CLK1: variants seen among roughly 807,000 people sequenced by gnomAD.
The protein encoded by CLK1 is dual specificity protein kinase CLK1.
CLK1 carries 40 observed loss-of-function variants against 60.9 expected under a neutral mutation model. The observed-to-expected ratio is 0.66, with a 90% confidence interval of 0.51 to 0.86. CLK1 has a LOEUF of 0.86. Among genes scored for constraint, CLK1 ranks in the 40% least tolerant of loss-of-function variants. The pLI, the probability that CLK1 is intolerant of heterozygous loss-of-function variation, is 0.00. For synonymous variants in CLK1, 203 were observed against 184.4 expected, an observed-to-expected ratio of 1.10 and a Z score of -0.82; for missense variants, 563 against 606.1, an observed-to-expected ratio of 0.93 and a Z score of 0.75.
intron 10 of CLK1, 98 bp downstream of exon 10, chr2:200,854,906 A>G: frequency 1.1e-6 from 1 of 908,628 alleles, no homozygotes. Context: ...GCTTATCTAC[A>G]ATTAATAGTC....
At chr2:200,861,502 T>A in intron 2 of CLK1, 36 bp from the exon 3 acceptor site, 1 of 1,603,966 alleles carries the variant, frequency 6.2e-7, no homozygotes, top group Non-Finnish European at 8.5e-7. Flanking sequence ...TGTTTTATGC[T>A]AAGACCAAAT....
intron 10 of CLK1, 22 bp from the exon 11 acceptor site, chr2:200,854,717 A>T (rs955683889): frequency 6.5e-7 from 1 of 1,538,878 alleles, no homozygotes. Context: ...ATAAAAACAG[A>T]CTTGGGGAAG....
intron 12 of CLK1, 65 bp downstream of exon 12, chr2:200,853,838 C>A (rs531214206): frequency 7.8e-7 from 1 of 1,274,976 alleles, no homozygotes; most frequent in African/African-American, 1.5e-5. Context: ...AAGCAAGGCT[C>A]GGTCTCAAAA....
At chr2:200,858,314 A>G in intron 5 of CLK1, 1 of 544,572 alleles carries the variant, frequency 1.8e-6, no homozygotes, top group Non-Finnish European at 3.3e-6. Flanking sequence ...ACTTCTTCCT[A>G]TATGGTACCT....
rs749539322 is a variant in CLK1 at position 200,861,819 on chromosome 2, T to C, written c.44A>G (p.Lys15Arg). The change falls in exon 2 of 13, where the codon AAG becomes AGG. Residue 15 changes from lysine (K) to arginine (R), a missense_variant. Around this residue, in one of 3 missense-constraint regions of CLK1, gnomAD observed 198 missense variants for 179.2 expected, o/e 1.10. Coordinates refer to ENST00000321356, the MANE Select transcript of CLK1 (RefSeq NM_004071.4). ...CCTCCATTTTCCATAATCCCAATCC[T>C]TGTCATCCCAATCAGGACAGTAAGT... ...KRTYCPDWDD[K>R]DWDYGKWRSS... The C allele has an allele frequency of 1.9e-6, 3 of 1,614,076 alleles. No homozygotes were observed. The South Asian group carries it at 3.3e-5, about 18-fold the overall frequency.
chr2:200,862,615 T>C (rs1575082076), intron 1 of CLK1, among the ~76,000 whole-genome samples: 2 of 152,318 alleles, frequency 1.3e-5, no homozygotes, highest in Non-Finnish European at 2.9e-5. Context: ...CCAGGTGAAA[T>C]AAACAGCCAT....
Position 200,857,219 on chromosome 2 carries a change from T to A in CLK1, c.833-234A>T. The A allele has an allele frequency of 8.2e-6, 4 of 490,472 alleles. No homozygotes were observed. In the East Asian group the frequency reaches 1.1e-4, roughly 13 times the overall value. 30.4% of individuals were successfully genotyped at this position (490,472 alleles called of 1,614,324 possible). A position where few individuals can be genotyped will look rare whatever the true frequency, so the allele number is the denominator to read the frequency against. On this transcript the variant is annotated intron_variant, in intron 7 of 12. Transcript: ENST00000321356. ...TACTCGGGAGGCTGAGGCAGGAGAA[T>A]CACTTGAACTGGGGAGGCAGAGTTT...
rs2039142816 is a variant in CLK1 at position 200,861,784 on chromosome 2, T to G, written c.79A>C (p.Ser27Arg). ...WDYGKWRSSS[S>R]HKRRKRSHSS... ...TGTGATCTCTTCCTTCTTTTATGAC[T>G]GCTGCTGCTCCTCCATTTTCCATAA... The change falls in exon 2 of 13, where the codon AGT (serine) becomes CGT (arginine). Residue 27 changes from serine to arginine, a missense_variant. Around this residue, in one of 3 missense-constraint regions of CLK1, gnomAD observed 198 missense variants for 179.2 expected, o/e 1.10. Coordinates refer to ENST00000321356, the MANE Select transcript of CLK1 (RefSeq NM_004071.4). The G allele has an allele frequency of 1.2e-6, 2 of 1,613,768 alleles. No individual in the cohort carries two copies. The highest frequency in any genetic ancestry group is 1.7e-6 in the Non-Finnish European group (2 of 1,179,642).
At chr2:200,864,195 A>C in intron 1 of CLK1, 3 of 1,550,598 alleles carry the variant, frequency 1.9e-6, no homozygotes, top group Non-Finnish European at 1.7e-6. Context: ...TTCCGGCCAC[A>C]GGGCCGAAGC....
In CLK1 at chr2:200,857,835, T is replaced by G; in HGVS notation, c.715A>C (p.Ile239Leu). 6.2e-7 allele frequency: 1 copy of G among 1,613,850 alleles called. No individual in the cohort carries two copies. Among genetic ancestry groups the G allele is most frequent in the Non-Finnish European group, 8.5e-7 (1 of 1,179,846 alleles). Residue 239 changes from isoleucine to leucine, a missense_variant, in exon 7 of 13, where the codon ATT (isoleucine) becomes CTT (leucine). Coordinates refer to ENST00000321356, the MANE Select transcript of CLK1 (RefSeq NM_004071.4). ...CTAAGTCCCAATAGTTCAAAAACAA[T>G]GCAAATGTGACCATGATGCTCAAAC... ...EWFEHHGHICIVFELLGLSTY... is the reference protein window; with the variant it reads ...EWFEHHGHICLVFELLGLSTY...
rs775601764 is a variant in CLK1 at position 200,860,101 on chromosome 2, T to TA, written c.481+23dup. On this transcript the variant is annotated intron_variant, in intron 4 of 12. Coordinates refer to ENST00000321356, the MANE Select transcript of CLK1 (RefSeq NM_004071.4). ...TAGATTATGTTATCTGAAAAGTTAA[T>TA]AAGTGTTGAAAAATATTCTATACAT... 12 of 1,609,224 alleles carry TA rather than the reference T, an allele frequency of 7.5e-6. No homozygotes were observed. The South Asian group carries it at 7.7e-5, about 10-fold the overall frequency.
chr2:200,853,679 G>GAGA lies in CLK1; in HGVS notation c.1311+223_1311+224insTCT, dbSNP rs1553605584. On this transcript the variant is annotated intron_variant, in intron 12 of 12. Transcript: ENST00000321356. ...AACATAGTAAAACTTGTCTTTACTT[G>GAGA]AAAAAAAAAAAAAAAAAAAAAAAAA... 1.4e-4 allele frequency among the ~76,000 whole-genome samples: 7 copies of GAGA among 49,118 alleles called. 1 individual carries two copies. The highest frequency in any genetic ancestry group is 1.0e-3 in the Admixed American group (3 of 3,010). The allele number at this position is 49,118 out of a possible 152,430, so 32.2% of individuals were successfully genotyped here. A position where few individuals can be genotyped will look rare whatever the true frequency, so the allele number is the denominator to read the frequency against.
chr2:200,853,858 A>C (rs1315817489), intron 12 of CLK1, 45 bp downstream of exon 12: 1 of 1,450,052 alleles, frequency 6.9e-7, no homozygotes, highest in East Asian at 2.4e-5. Flanking sequence ...AGACAAACAG[A>C]AGAAACTCAG....
chr2:200,864,344 A>T (rs1224517154), intron 1 of CLK1: 2 of 1,275,098 alleles, frequency 1.6e-6, no homozygotes, highest in Non-Finnish European at 2.1e-6. Flanking sequence ...CCTAGCAAAC[A>T]CCGTAACTAC....
At position 200,856,794 on chromosome 2, in the gene CLK1, GGTGCGTTCATCAC is replaced by G. The variant is rs765958582; in HGVS notation, c.932_944del (p.Arg311ProfsTer2). 6.2e-7 allele frequency: 1 copy of G among 1,613,366 alleles called. No individual in the cohort carries two copies. The highest frequency in any genetic ancestry group is 1.1e-5 in the South Asian group (1 of 90,912). On this transcript the variant is annotated frameshift_variant, in exon 9 of 13. Coordinates refer to ENST00000321356, the MANE Select transcript of CLK1 (RefSeq NM_004071.4). LOFTEE classifies it high-confidence loss of function. ...CAACTTTAATATCTGGATTTATTAA[GGTGCGTTCATCAC>G]GTTTCTGAAAATCATAAATGATGGT...
chr2:200,858,842 T>TAA (rs10652214), intron 5 of CLK1, among the ~76,000 whole-genome samples: 2 of 147,268 alleles, frequency 1.4e-5, no homozygotes, highest in Non-Finnish European at 3.0e-5. Context: ...AACAGGGAAC[T>TAA]AAAAAAAAAG....
chr2:200,855,515 C>T (rs1340190820), intron 9 of CLK1, among the ~76,000 whole-genome samples: 1 of 152,078 alleles, frequency 6.6e-6, no homozygotes, highest in Non-Finnish European at 1.5e-5. Flanking sequence ...GTCCCAGCTA[C>T]TCAGGAGGCT....
At chr2:200,860,940 A>G (rs2039126994) in intron 3 of CLK1, 1 of 1,143,910 alleles carries the variant, frequency 8.7e-7, no homozygotes, top group Non-Finnish European at 1.1e-6. Context: ...GAAGTACCAC[A>G]AAAAACCCTT....
intron 1 of CLK1, chr2:200,863,075 C>T (rs2039167223): frequency 6.6e-6 from 1 of 152,190 alleles, no homozygotes; most frequent in South Asian, 2.1e-4. Context: ...AGACATTATA[C>T]AGAAATTACT....
Sources: allele counts gnomAD v4.1 joint callset (sites outside exome capture counted in the v4.1 genomes callset), GRCh38; gene constraint gnomAD v4.1.1; regional missense constraint gnomAD v4.1.1; transcripts MANE v1.5; gene names NCBI Gene and HGNC (gene_info 2026-07-23, HGNC 2026-07-21).